Variants in CRLF3 observed in about 807,000 individuals in gnomAD.
The protein encoded by CRLF3 is cytokine receptor like factor 3.
A neutral mutation model predicts 55.0 loss-of-function variants in CRLF3; 33 were observed. That is an observed-to-expected ratio of 0.60 (90% CI 0.46 to 0.80). The LOEUF is 0.80. Among genes scored for constraint, CRLF3 ranks in the 30% least tolerant of loss-of-function variants. The pLI is 0.00. For synonymous variants in CRLF3, 238 were observed against 196.8 expected (o/e 1.21, Z -1.75); for missense variants, 494 against 538.4 (o/e 0.92, Z 0.82).
chr17:30,822,328 CAG>C (rs1343744792), intron 1 of CRLF3, among the ~76,000 whole-genome samples: 1 of 152,146 alleles, frequency 6.6e-6, no homozygotes, highest in Non-Finnish European at 1.5e-5. Flanking sequence ...TGCAAGTTGA[CAG>C]AGGACTTATG....
chr17:30,805,046 G>T (rs1225362643), intron 1 of CRLF3, among the ~76,000 whole-genome samples: 2 of 152,062 alleles, frequency 1.3e-5, no homozygotes, highest in East Asian at 1.9e-4. Flanking sequence ...AGCTGGACGT[G>T]GTAGTGCGGG....
intron 2 of CRLF3, 86 bp from the exon 3 acceptor site, chr17:30,797,484 G>C (rs1971936073): frequency 9.2e-7 from 1 of 1,083,354 alleles, no homozygotes; most frequent in South Asian, 1.3e-5. Context: ...TGGGTCTCTA[G>C]CGTTCTTGCA....
intron 6 of CRLF3, 180 bp from the exon 7 acceptor site, chr17:30,786,211 A>G (rs927026351): frequency 1.0e-5 from 5 of 496,772 alleles, no homozygotes; most frequent in Non-Finnish European, 1.8e-5. Flanking sequence ...ATATCTATCT[A>G]TCATTCTTAC....
chr17:30,783,651 A>G lies in CRLF3; in HGVS notation c.*536T>C, dbSNP rs1010866097. 1.3e-5 allele frequency: 2 copies of G among 152,302 alleles called. No homozygotes were observed. The highest frequency in any genetic ancestry group is 2.9e-5 in the Non-Finnish European group (2 of 68,182). The allele number at this position is 152,302 out of a possible 1,614,324, so 9.4% of individuals were successfully genotyped here. On this transcript the variant is annotated 3_prime_UTR_variant, in exon 8 of 8. Transcript: ENST00000324238. ...AAGAAAAAGTTATAATGTTTTGGGGACTTAAAGATTACTGAAGAGGGGATA... is the reference window on the plus strand; with the variant it reads ...AAGAAAAAGTTATAATGTTTTGGGGGCTTAAAGATTACTGAAGAGGGGATA...
chr17:30,807,026 T>C (rs765876644), intron 1 of CRLF3, among the ~76,000 whole-genome samples: 2 of 152,058 alleles, frequency 1.3e-5, no homozygotes, highest in African/African-American at 2.4e-5. Context: ...GGTGGGAGGA[T>C]CACCACTGCA....
intron 2 of CRLF3, among the ~76,000 whole-genome samples, chr17:30,799,505 T>C (rs1229151710): frequency 6.6e-6 from 1 of 151,590 alleles, no homozygotes; most frequent in African/African-American, 2.4e-5. Flanking sequence ...ACTACAGGAA[T>C]GTGCCACTAT....
chr17:30,815,072 TTTTCTTTC>T (rs577690614), intron 1 of CRLF3, among the ~76,000 whole-genome samples: 1 of 146,280 alleles, frequency 6.8e-6, no homozygotes, highest in South Asian at 2.2e-4. Flanking sequence ...TTTCTTTCTT[TTTTCTTTC>T]TTTCTTTTTT....
At position 30,824,400 on chromosome 17, in the gene CRLF3, T is replaced by C. The variant is rs977155973; in HGVS notation, c.129+123A>G. The C allele has an allele frequency of 4.0e-5, 35 of 882,566 alleles. No homozygotes were observed. In the Admixed American group the frequency reaches 4.3e-4, roughly 11 times the overall value. 54.7% of individuals were successfully genotyped at this position (882,566 alleles called of 1,614,324 possible). A position where few individuals can be genotyped will look rare whatever the true frequency, so the allele number is the denominator to read the frequency against. ...AGACTCCATTAGGTCTCCTTTCAAA[T>C]GAATGCCTCTTCCCTACTCCAGAGT... On this transcript the variant is annotated intron_variant, in intron 1 of 7. Transcript: ENST00000324238.
chr17:30,801,728 C>G (rs1409104902), intron 2 of CRLF3, among the ~76,000 whole-genome samples: 1 of 152,036 alleles, frequency 6.6e-6, no homozygotes, highest in African/African-American at 2.4e-5. Flanking sequence ...TGGCCTCGGC[C>G]TCTAATAACT....
chr17:30,797,607 A>G (rs1191870782), intron 2 of CRLF3, among the ~76,000 whole-genome samples: 1 of 152,162 alleles, frequency 6.6e-6, no homozygotes, highest in Non-Finnish European at 1.5e-5. Context: ...CAGTGGCAAC[A>G]TTTTGCCAGA....
chr17:30,789,390 T>C (rs1462235419), intron 6 of CRLF3, among the ~76,000 whole-genome samples: 1 of 152,168 alleles, frequency 6.6e-6, no homozygotes, highest in Non-Finnish European at 1.5e-5. Context: ...GACATTACCA[T>C]GTGTCCAAGG....
At chr17:30,817,869 G>GCA (rs1904855807) in intron 1 of CRLF3, among the ~76,000 whole-genome samples, 1 of 137,016 alleles carries the variant, frequency 7.3e-6, no homozygotes, top group Non-Finnish European at 1.5e-5. Flanking sequence ...TGGCGCCACT[G>GCA]CACTCCAGCA....
At position 30,789,076 on chromosome 17, in the gene CRLF3, C is replaced by T. The variant is rs115692521; in HGVS notation, c.960-3045G>A. Among the ~76,000 whole-genome samples, 1,332 of 152,188 alleles carry T rather than the reference C, an allele frequency of 8.8e-3. 20 individuals carry two copies. The highest frequency in any genetic ancestry group is 0.03 in the African/African-American group (1,254 of 41,518). On this transcript the variant is annotated intron_variant, in intron 6 of 7. Transcript: ENST00000324238. ...ACATCTCTGGCTTCACTGCTGATGC[C>T]TGAAATTCCTTTAAACAAGGGGAGA...
At chr17:30,785,637 CCAGT>C (rs1352182142) in intron 7 of CRLF3, among the ~76,000 whole-genome samples, 2 of 147,778 alleles carry the variant, frequency 1.4e-5, no homozygotes, top group Non-Finnish European at 3.0e-5. Context: ...AAAAAATTAG[CCAGT>C]CACAGTGGCA....
intron 1 of CRLF3, among the ~76,000 whole-genome samples, chr17:30,808,541 G>T (rs988201498): frequency 9.9e-5 from 15 of 151,578 alleles, no homozygotes; most frequent in African/African-American, 3.6e-4. Flanking sequence ...TTCTGCCTCA[G>T]CCTCCCAAAG....
intron 6 of CRLF3, among the ~76,000 whole-genome samples, chr17:30,791,593 C>T (rs1161385061): frequency 7.3e-5 from 11 of 150,880 alleles, no homozygotes; most frequent in African/African-American, 2.4e-4. Flanking sequence ...TCTCGGCTCA[C>T]TGCAAGCTCC....
At position 30,824,578 on chromosome 17, in the gene CRLF3, C is replaced by G; in HGVS notation, c.74G>C (p.Ser25Thr). 6.2e-7 allele frequency: 1 copy of G among 1,604,596 alleles called. No individual in the cohort carries two copies. Among genetic ancestry groups the G allele is most frequent in the Middle Eastern group, 1.7e-4 (1 of 6,050 alleles). Reference protein sequence around the residue: ...EARENVEAAQSYRRELGHRLE... With the variant: ...EARENVEAAQTYRRELGHRLE... The stretch of plus-strand genomic sequence containing the variant: ...CCGGTGACCCAGCTCCCGCCGGTAG[C>G]TCTGCGCTGCCTCCACGTTCTCGCG... Residue 25 changes from serine to threonine, a missense_variant, in exon 1 of 8, where the codon AGC (serine) becomes ACC (threonine). Transcript: ENST00000324238.
chr17:30,801,288 T>C (rs1300951929), intron 2 of CRLF3: 1 of 151,978 alleles, frequency 6.6e-6, no homozygotes, highest in Non-Finnish European at 1.5e-5. Context: ...CTACCTGGAT[T>C]ACTTTCTAAT....
intron 2 of CRLF3, among the ~76,000 whole-genome samples, chr17:30,803,197 A>G (rs1972033713): frequency 1.3e-5 from 2 of 151,668 alleles, no homozygotes; most frequent in Admixed American, 1.3e-4. Context: ...ATATAATTTG[A>G]TTGACTGTAA....
Sources: gnomAD v4.1 joint callset for allele counts (sites outside exome capture counted in the v4.1 genomes callset) on GRCh38, gnomAD v4.1.1 for gene constraint, MANE v1.5 for transcripts, NCBI Gene and HGNC (gene_info 2026-07-23, HGNC 2026-07-21) for gene names.